TNKS: variants seen among roughly 807,000 people sequenced by gnomAD.
TNKS encodes poly [ADP-ribose] polymerase tankyrase-1.
In TNKS, 72 loss-of-function variants were observed where a neutral mutation model predicts 135.8. The ratio of observed to expected loss-of-function variants is 0.53; its 90% CI spans 0.44 to 0.64. The LOEUF (loss-of-function observed/expected upper bound fraction) is 0.64. TNKS is among the 30% of genes least tolerant of loss of function. The pLI is 0.00. For synonymous variants in TNKS, 849 were observed against 649.3 expected (o/e 1.31, Z -4.68); for missense variants, 1,769 against 1,674.0 (o/e 1.06, Z -0.99).
intron 2 of TNKS, among the ~76,000 whole-genome samples, chr8:9,611,728 A>G (rs1211482460): frequency 6.6e-6 from 1 of 152,206 alleles, no homozygotes; most frequent in Non-Finnish European, 1.5e-5. Context: ...ATAAATCCCC[A>G]TAGAGAACAG....
intron 2 of TNKS, among the ~76,000 whole-genome samples, chr8:9,580,958 A>G (rs993706771): frequency 1.3e-5 from 2 of 152,316 alleles, no homozygotes; most frequent in East Asian, 1.9e-4. Context: ...GTTCTCTCAT[A>G]TATATTCACA....
chr8:9,719,183 G>A (rs75728252), intron 11 of TNKS, among the ~76,000 whole-genome samples: 1 of 152,074 alleles, frequency 6.6e-6, no homozygotes, highest in Non-Finnish European at 1.5e-5. Context: ...TGGGAGTTTT[G>A]TGAAAGACCA....
At chr8:9,773,336 T>A (rs1166918010) in intron 26 of TNKS, among the ~76,000 whole-genome samples, 1 of 152,154 alleles carries the variant, frequency 6.6e-6, no homozygotes, top group East Asian at 1.9e-4. Context: ...TTACATAATA[T>A]ATACCAAACA....
At chr8:9,653,896 T>C (rs1801241120) in intron 3 of TNKS, among the ~76,000 whole-genome samples, 1 of 152,168 alleles carries the variant, frequency 6.6e-6, no homozygotes. Flanking sequence ...TCTAGTCCTT[T>C]CCCTGCTACC....
intron 3 of TNKS, among the ~76,000 whole-genome samples, chr8:9,637,078 T>G (rs1800541143): frequency 6.6e-6 from 1 of 151,818 alleles, no homozygotes; most frequent in African/African-American, 2.4e-5. Flanking sequence ...ATGCTCAAAT[T>G]TTTTTGAATG....
chr8:9,618,338 C>T (rs899082582), intron 3 of TNKS, among the ~76,000 whole-genome samples: 10 of 152,096 alleles, frequency 6.6e-5, no homozygotes, highest in African/African-American at 2.4e-4. Flanking sequence ...CAACAGTGTA[C>T]CCTTAATTTT....
intron 1 of TNKS, among the ~76,000 whole-genome samples, chr8:9,573,847 T>C (rs1346978038): frequency 6.6e-6 from 1 of 152,206 alleles, no homozygotes; most frequent in Admixed American, 6.5e-5. Flanking sequence ...TTTAAAAATA[T>C]TCCAAACACC....
chr8:9,606,965 T>C (rs566741443), intron 2 of TNKS, among the ~76,000 whole-genome samples: 1 of 152,310 alleles, frequency 6.6e-6, no homozygotes, highest in South Asian at 2.1e-4. Flanking sequence ...CAGACCTTGT[T>C]TTGCCTCGGT....
rs1187631196 is a variant in TNKS at position 9,779,316 on chromosome 8, G to C, written c.*2580G>C. ...AATATAAAAGCATGGCATTAAATTA[G>C]GCTGAAGTCTTTTATTTTTTGTATA... is the stretch of plus-strand genomic sequence containing the variant. On this transcript the variant is annotated 3_prime_UTR_variant, in exon 27 of 27. Coordinates refer to ENST00000310430, the MANE Select transcript of TNKS (RefSeq NM_003747.3). 6.6e-6 allele frequency: 1 copy of C among 152,490 alleles called. No homozygotes were observed. The highest frequency in any genetic ancestry group is 2.4e-5 in the African/African-American group (1 of 41,394). The allele number at this position is 152,490 out of a possible 1,614,324, so 9.4% of individuals were successfully genotyped here.
intron 2 of TNKS, among the ~76,000 whole-genome samples, chr8:9,594,596 A>G (rs925620230): frequency 6.6e-6 from 1 of 152,066 alleles, no homozygotes. Flanking sequence ...CATATTATTT[A>G]TTTATTTTTC....
At chr8:9,774,580 C>G (rs1808118065) in intron 26 of TNKS, among the ~76,000 whole-genome samples, 1 of 152,188 alleles carries the variant, frequency 6.6e-6, no homozygotes, top group Admixed American at 6.5e-5. Context: ...TTAGGCCCTT[C>G]TAGTTCTGCA....
At chr8:9,585,716 C>A (rs1271714093) in intron 2 of TNKS, among the ~76,000 whole-genome samples, 1 of 152,170 alleles carries the variant, frequency 6.6e-6, no homozygotes, top group Non-Finnish European at 1.5e-5. Context: ...ATTAGAGAAA[C>A]AAAGCTCCTG....
At chr8:9,753,285 C>A (rs924236475) in intron 20 of TNKS, among the ~76,000 whole-genome samples, 4 of 152,164 alleles carry the variant, frequency 2.6e-5, no homozygotes, top group African/African-American at 9.7e-5. Flanking sequence ...TGTGACTAGG[C>A]TCCTGAAGCA....
intron 3 of TNKS, among the ~76,000 whole-genome samples, chr8:9,630,167 C>G (rs1483308682): frequency 6.6e-6 from 1 of 152,188 alleles, no homozygotes; most frequent in Non-Finnish European, 1.5e-5. Context: ...GATTCCCACC[C>G]CTGACTTTCA....
chr8:9,769,230 A>G (rs759919507), intron 25 of TNKS, among the ~76,000 whole-genome samples: 25 of 152,222 alleles, frequency 1.6e-4, no homozygotes, highest in Non-Finnish European at 2.1e-4. Flanking sequence ...TGTATTTACA[A>G]AACCAGATTG....
Position 9,779,564 on chromosome 8 carries a change from G to A in TNKS, c.*2828G>A, listed in dbSNP as rs544074378. The A allele has an allele frequency of 5.0e-4, 76 of 152,220 alleles. No homozygotes were observed. The highest frequency in any genetic ancestry group is 1.7e-3 in the African/African-American group (71 of 41,510). The allele number at this position is 152,220 out of a possible 1,614,324, so 9.4% of individuals were successfully genotyped here. On this transcript the variant is annotated 3_prime_UTR_variant, in exon 27 of 27. Transcript: ENST00000310430. ...GGCATAAATTAAGTGCCCTGGTCCC[G>A]AACTTTCTCCCTGTATTTGACCTCC...
chr8:9,644,400 A>G (rs1800836622), intron 3 of TNKS, among the ~76,000 whole-genome samples: 1 of 152,164 alleles, frequency 6.6e-6, no homozygotes, highest in African/African-American at 2.4e-5. Context: ...AGACTCTGTT[A>G]TCATTATAGT....
At chr8:9,673,928 C>G (rs955289548) in intron 3 of TNKS, among the ~76,000 whole-genome samples, 14 of 152,060 alleles carry the variant, frequency 9.2e-5, no homozygotes, top group Non-Finnish European at 2.1e-4. Flanking sequence ...GAAAAAGTAA[C>G]TTTCTTTTGA....
At position 9,699,342 on chromosome 8, in the gene TNKS, A is replaced by AT. The variant is rs532221295; in HGVS notation, c.1108-5314dup. ...ACTAGGTTTAGTCCTAGGGTGTGTG[A>AT]TTTTTTTGCTTTGGATCAGGAGACA... On this transcript the variant is annotated intron_variant, in intron 5 of 26. Coordinates refer to ENST00000310430, the MANE Select transcript of TNKS (RefSeq NM_003747.3). Among the ~76,000 whole-genome samples the AT allele has an allele frequency of 1.1e-4, 16 of 152,246 alleles. No individual in the cohort carries two copies. The East Asian group carries it at 1.9e-3, about 18-fold the overall frequency.
Sources: allele counts gnomAD v4.1 joint callset (sites outside exome capture counted in the v4.1 genomes callset), GRCh38; gene constraint gnomAD v4.1.1; transcripts MANE v1.5; gene names NCBI Gene and HGNC (gene_info 2026-07-23, HGNC 2026-07-21).